The following PLCD3 variants were observed in gnomAD, a reference collection of about 807,000 sequenced individuals.
PLCD3 encodes the protein phospholipase C delta 3.
In PLCD3, 62 loss-of-function variants were observed where a neutral mutation model predicts 82.8. The observed-to-expected ratio is 0.75, with a 90% CI of 0.61 to 0.93. PLCD3 has a LOEUF of 0.93. PLCD3 is among the 40% of genes least tolerant of loss of function. The probability of loss-of-function intolerance (pLI) is 0.00; values close to 1 mark genes in which losing one functional copy is unlikely to be tolerated. For synonymous variants in PLCD3, 478 were observed against 471.8 expected (o/e 1.01, Z -0.17); for missense variants, 1,023 against 1,103.4 (o/e 0.93, Z 1.03).
intron 1 of PLCD3, 34 bp from the exon 2 acceptor site, chr17:45,121,406 G>A (rs1395090056): frequency 1.4e-6 from 2 of 1,467,270 alleles, no homozygotes; most frequent in South Asian, 1.4e-5. Context: ...GCGTCAGGCC[G>A]TACCTGCCCA....
chr17:45,121,959 C>CAAA lies in PLCD3; in HGVS notation c.164-590_164-588dup, dbSNP rs112126121. 4.0e-3 allele frequency among the ~76,000 whole-genome samples: 549 copies of CAAA among 137,348 alleles called. 3 individuals carry two copies. The highest frequency in any genetic ancestry group is 0.016 in the East Asian group (73 of 4,604). The allele number at this position is 137,348 out of a possible 152,430, so 90.1% of individuals were successfully genotyped here. On this transcript the variant is annotated intron_variant, in intron 1 of 14. Transcript: ENST00000619929. Reference sequence around the variant, plus strand: ...GCGACAGAGTGAGACTGCGTCTTAACAAAAAAAAAAAAAAATTGCCTTTTC... The same window carrying CAAA: ...GCGACAGAGTGAGACTGCGTCTTAACAAAAAAAAAAAAAAAAAATTGCCTTTTC...
Position 45,120,939 on chromosome 17 carries a change from G to T in PLCD3, c.517C>A (p.Arg173Ser), listed in dbSNP as rs1313301940. 6.8e-7 allele frequency: 1 copy of T among 1,477,328 alleles called. No homozygotes were observed. The highest frequency in any genetic ancestry group is 2.4e-5 in the Admixed American group (1 of 40,868). The allele number at this position is 1,477,328 out of a possible 1,614,324, so 91.5% of individuals were successfully genotyped here. A position where few individuals can be genotyped will look rare whatever the true frequency, so the allele number is the denominator to read the frequency against. The stretch of plus-strand genomic sequence containing the variant: ...TCGCGCTGGCTCATGGCGTCCAGGC[G>T]CGCGCGGAGCTTGGTCAGACCGCGC... ...WVRGLTKLRA[R>S]LDAMSQRERL... Residue 173 changes from arginine (R) to serine (S), a missense_variant, in exon 3 of 15, where the codon CGC (arginine) becomes AGC (serine). Physicochemically the swap from Arg to Ser is moderately radical, Grantham distance 110. This residue lies in a region of PLCD3 where 448 missense variants were observed against 406.3 expected (regional missense o/e 1.10). Transcript: ENST00000619929.
At position 45,109,887 on chromosome 17, in the gene PLCD3, C is replaced by CT. The variant is rs1444127500; in HGVS notation, c.*2728dup. 6.6e-6 allele frequency: 1 copy of CT among 151,630 alleles called. No individual in the cohort carries two copies. Among genetic ancestry groups the CT allele is most frequent in the Non-Finnish European group, 1.5e-5 (1 of 68,002 alleles). 9.4% of individuals were successfully genotyped at this position (151,630 alleles called of 1,614,324 possible). ...GGTCAGGAGATCGAGACCATCCTGGCTAACACTATGAAACCCTGTCTCTAC... is the reference window on the plus strand; with the variant it reads ...GGTCAGGAGATCGAGACCATCCTGGCTTAACACTATGAAACCCTGTCTCTAC... On this transcript the variant is annotated 3_prime_UTR_variant, in exon 15 of 15. Transcript: ENST00000619929.
Position 45,114,321 on chromosome 17 carries a change from T to C in PLCD3, c.1757A>G (p.Tyr586Cys). The change falls in exon 11 of 15, where the codon TAC (tyrosine) becomes TGC (cysteine). Residue 586 changes from tyrosine to cysteine, a missense_variant. Physicochemically the swap from Tyr to Cys is radical, Grantham distance 194. Transcript: ENST00000619929. ...RHNARQLTRV[Y>C]PLGLRMNSAN... is the part of the protein sequence containing the mutation. ...TGAGTTCATCCGCAGCCCCAGCGGG[T>C]ACACGCGGGTCAGCTGGCGGGCATT... is the stretch of plus-strand genomic sequence containing the variant. The C allele has an allele frequency of 6.5e-7, 1 of 1,549,580 alleles. No individual in the cohort carries two copies. The highest frequency in any genetic ancestry group is 8.7e-7 in the Non-Finnish European group (1 of 1,146,192).
intron 1 of PLCD3, among the ~76,000 whole-genome samples, chr17:45,122,142 C>T (rs2054346667): frequency 6.6e-6 from 1 of 152,096 alleles, no homozygotes; most frequent in African/African-American, 2.4e-5. Context: ...TCTGCTTTCC[C>T]AAAGACAAGG....
chr17:45,114,405 G>C (rs1324685593), intron 10 of PLCD3, 39 bp from the exon 11 acceptor site: 4 of 1,504,308 alleles, frequency 2.7e-6, no homozygotes, highest in Admixed American at 2.1e-5. Flanking sequence ...CAGACTCCGG[G>C]GGTCCCTCAC....
At position 45,110,408 on chromosome 17, in the gene PLCD3, C is replaced by T. The variant is rs1159859768; in HGVS notation, c.*2208G>A. The T allele has an allele frequency of 1.3e-5, 2 of 150,076 alleles. No individual in the cohort carries two copies. Among genetic ancestry groups the T allele is most frequent in the Non-Finnish European group, 2.9e-5 (2 of 67,942 alleles). 9.3% of individuals were successfully genotyped at this position (150,076 alleles called of 1,614,324 possible). A position where few individuals can be genotyped will look rare whatever the true frequency, so the allele number is the denominator to read the frequency against. On this transcript the variant is annotated 3_prime_UTR_variant, in exon 15 of 15. Transcript: ENST00000619929. ...GCAGTGAGCCGAGATCACGCCATCG[C>T]ACTCCATCCTGGGGGACGAGCAAGA...
At chr17:45,113,887 G>T (rs1289953125) in intron 11 of PLCD3, among the ~76,000 whole-genome samples, 1 of 152,118 alleles carries the variant, frequency 6.6e-6, no homozygotes, top group East Asian at 1.9e-4. Context: ...GAGGAAGCCT[G>T]GGGTTTCCAT....
chr17:45,132,244 T>C lies in PLCD3; in HGVS notation c.163+4A>G, dbSNP rs977034788. 1.6e-6 allele frequency: 2 copies of C among 1,272,012 alleles called. No homozygotes were observed. Among genetic ancestry groups the C allele is most frequent in the Non-Finnish European group, 2.0e-6 (2 of 1,008,450 alleles). The allele number at this position is 1,272,012 out of a possible 1,614,324, so 78.8% of individuals were successfully genotyped here. ...CACCCCACCGCCCCTTGCCCGTCACTGACCCATCTTCTTCAGCGCCCGCAG... is the reference window on the plus strand; with the variant it reads ...CACCCCACCGCCCCTTGCCCGTCACCGACCCATCTTCTTCAGCGCCCGCAG... On this transcript the variant is annotated splice_donor_region_variant and intron_variant, in intron 1 of 14. Coordinates refer to ENST00000619929, the MANE Select transcript of PLCD3 (RefSeq NM_133373.5). The surrounding 1 kb of genome is among the most constrained non-coding windows in gnomAD (Gnocchi z 4.6).
chr17:45,118,873 C>G lies in PLCD3; in HGVS notation c.855G>C (p.Glu285Asp). 1 of 1,612,206 alleles carries G rather than the reference C, an allele frequency of 6.2e-7. No homozygotes were observed. The highest frequency in any genetic ancestry group is 8.5e-7 in the Non-Finnish European group (1 of 1,179,844). The change falls in exon 5 of 15, where the codon GAG (glutamate) becomes GAC (aspartate). Residue 285 changes from glutamate to aspartate, a missense_variant. By Grantham distance (45) the Glu-to-Asp change is conservative (BLOSUM62 2). Coordinates refer to ENST00000619929, the MANE Select transcript of PLCD3 (RefSeq NM_133373.5). This position sits in a 1 kb window ranked among gnomAD's most constrained non-coding sequence, Gnocchi z 4.1. ...LLEFLEDQGE[E>D]GATLARAQQL... ...GCTGGGCGCGGGCCAGTGTGGCGCCCTCCTCGCCCTGGTCCTCCAGGAACT... is the reference window on the plus strand; with the variant it reads ...GCTGGGCGCGGGCCAGTGTGGCGCCGTCCTCGCCCTGGTCCTCCAGGAACT...
In PLCD3 at chr17:45,115,378, T is replaced by C. The variant is rs201091708; in HGVS notation, c.1526A>G (p.Glu509Gly). The C allele has an allele frequency of 2.0e-3, 3,110 of 1,585,594 alleles. 4 individuals carry two copies. Among genetic ancestry groups the C allele is most frequent in the Non-Finnish European group, 2.4e-3 (2,774 of 1,166,850 alleles). Reference sequence around the variant, plus strand: ...CTGCGCTGCAGCCTCCACCTCCTCTTCTTCCTCCTCGTCATCCTCCTCCTC... The same window carrying C: ...CTGCGCTGCAGCCTCCACCTCCTCTCCTTCCTCCTCGTCATCCTCCTCCTC... ...EEEEEDDEEE[E>G]EEVEAAAQRR... The change falls in exon 9 of 15, where the codon GAA (glutamate) becomes GGA (glycine). Residue 509 changes from glutamate (E) to glycine (G), a missense_variant. Glu to Gly is a moderately conservative substitution (Grantham distance 98, BLOSUM62 -2). This residue lies in a region of PLCD3 where 553 missense variants were observed against 655.7 expected (regional missense o/e 0.84). Coordinates refer to ENST00000619929, the MANE Select transcript of PLCD3 (RefSeq NM_133373.5).
intron 2 of PLCD3, 21 bp downstream of exon 2, chr17:45,121,190 C>G (rs560378628): frequency 1.3e-6 from 2 of 1,553,156 alleles, no homozygotes; most frequent in Admixed American, 3.7e-5. Context: ...CCTGTCCGCC[C>G]GGCGCTCCCC....
At chr17:45,130,924 T>C (rs1482371666) in intron 1 of PLCD3, among the ~76,000 whole-genome samples, 1 of 151,662 alleles carries the variant, frequency 6.6e-6, no homozygotes, top group Non-Finnish European at 1.5e-5. Context: ...TGCCCCCTGT[T>C]CCCCCACCCC....
At chr17:45,131,125 G>A (rs150638045) in intron 1 of PLCD3, among the ~76,000 whole-genome samples, 141 of 152,344 alleles carry the variant, frequency 9.3e-4, no homozygotes, top group Non-Finnish European at 1.5e-3. Context: ...TAGAGATGGT[G>A]TCCTATGTCT....
Position 45,115,595 on chromosome 17 carries a change from G to A in PLCD3, c.1414-105C>T, listed in dbSNP as rs775646784. ...GCCTTGTGAGGGGCTGGCTAGGGGT[G>A]GGAGGCAGGAAAGGAGACACAGAGA... On this transcript the variant is annotated intron_variant, in intron 8 of 14. Transcript: ENST00000619929. 8 of 1,032,016 alleles carry A rather than the reference G, an allele frequency of 7.8e-6. No individual in the cohort carries two copies. The East Asian group carries it at 1.8e-4, about 24-fold the overall frequency. The allele number at this position is 1,032,016 out of a possible 1,614,324, so 63.9% of individuals were successfully genotyped here.
intron 3 of PLCD3, 58 bp downstream of exon 3, chr17:45,120,844 T>A: frequency 7.2e-7 from 1 of 1,398,136 alleles, no homozygotes; most frequent in Non-Finnish European, 9.3e-7. Context: ...AGGATGGGGC[T>A]CTCCAAGGTT....
chr17:45,122,186 C>G lies in PLCD3; in HGVS notation c.164-814G>C, dbSNP rs371344738. On this transcript the variant is annotated intron_variant, in intron 1 of 14. Transcript: ENST00000619929. ...AGAGGCCACCCTGGCTCCAGGGTCACAGGCCAAGGACTCCAGGATCAGCCC... is the reference window on the plus strand; with the variant it reads ...AGAGGCCACCCTGGCTCCAGGGTCAGAGGCCAAGGACTCCAGGATCAGCCC... Among the ~76,000 whole-genome samples, 78 of 152,288 alleles carry G rather than the reference C, an allele frequency of 5.1e-4. 2 individuals are homozygous for G. In the South Asian group the frequency reaches 0.012, roughly 24 times the overall value.
chr17:45,111,099 A>G lies in PLCD3; in HGVS notation c.*1517T>C, dbSNP rs961948120. ...CTAAAACACCAGGCCTCCACATTTC[A>G]CCCTGCTGGCAGGGGCGGGTGCAGG... On this transcript the variant is annotated 3_prime_UTR_variant, in exon 15 of 15. Coordinates refer to ENST00000619929, the MANE Select transcript of PLCD3 (RefSeq NM_133373.5). The G allele has an allele frequency of 6.6e-6, 1 of 151,934 alleles. No homozygotes were observed. The highest frequency in any genetic ancestry group is 2.4e-5 in the African/African-American group (1 of 41,342). The allele number at this position is 151,934 out of a possible 1,614,324, so 9.4% of individuals were successfully genotyped here. A position where few individuals can be genotyped will look rare whatever the true frequency, so the allele number is the denominator to read the frequency against.
Position 45,118,011 on chromosome 17 carries a change from G to C in PLCD3, c.1243C>G (p.Arg415Gly). 7 of 1,613,368 alleles carry C rather than the reference G, an allele frequency of 4.3e-6. No individual in the cohort carries two copies. Among genetic ancestry groups the C allele is most frequent in the Non-Finnish European group, 5.9e-6 (7 of 1,179,712 alleles). ...ILFRDVVQAV[R>G]DHAFTLSPYP... ...GGGCTCACCGTGAAGGCATGGTCGC[G>C]CACGGCTTGGACCACGTCCCGGAAG... The change falls in exon 7 of 15, where the codon CGC becomes GGC. Residue 415 changes from arginine to glycine, a missense_variant. Around this residue, in one of 3 missense-constraint regions of PLCD3, gnomAD observed 553 missense variants for 655.7 expected, o/e 0.84. Transcript: ENST00000619929. The surrounding 1 kb of genome is among the most constrained non-coding windows in gnomAD (Gnocchi z 4.1).
Sources: gnomAD v4.1 joint callset for allele counts (sites outside exome capture counted in the v4.1 genomes callset) on GRCh38, gnomAD v4.1.1 for gene constraint, gnomAD v4.1.1 regional missense constraint, Gnocchi (gnomAD v3.1) non-coding constraint, MANE v1.5 for transcripts, NCBI Gene and HGNC (gene_info 2026-07-23, HGNC 2026-07-21) for gene names.